The following LAP3 variants were observed in gnomAD, a reference collection of about 807,000 sequenced individuals.
LAP3 encodes the protein cytosol aminopeptidase.
Under a neutral mutation model 58.8 loss-of-function variants are expected in LAP3, and 46 were observed. That is an observed-to-expected ratio of 0.78 (90% confidence interval 0.62 to 1.00). LAP3 has a LOEUF of 1.00. Among genes scored for constraint, LAP3 ranks in the 50% least tolerant of loss-of-function variants. The pLI is 0.00. For missense variants in LAP3, 615 were observed against 659.1 expected (o/e 0.93, Z 0.73); for synonymous variants, 257 against 237.7 (o/e 1.08, Z -0.75).
intron 4 of LAP3, chr4:17,582,813 G>GT (rs149292301): frequency 0.016 from 2,656 of 168,942 alleles, 31 homozygotes; most frequent in Non-Finnish European, 0.023. Context: ...CCAAAGGTGT[G>GT]TGCCTGTCCC....
At chr4:17,593,827 G>T (rs529766960) in intron 7 of LAP3, among the ~76,000 whole-genome samples, 2 of 151,932 alleles carry the variant, frequency 1.3e-5, no homozygotes, top group African/African-American at 4.8e-5. Context: ...TGCCCAAGCT[G>T]GTCTCGAACT....
rs1713227921 is a variant in LAP3, at chr4:17,577,439, G to A, written c.-27G>A. On this transcript the variant is annotated 5_prime_UTR_variant, in exon 1 of 13. Coordinates refer to ENST00000226299, the MANE Select transcript of LAP3 (RefSeq NM_015907.3). ...ACCGCTCTCCACGTGCTCGCTGGAG[G>A]GCGGTGCGAGGGGCCGAGCCGACAA... 1 of 1,516,890 alleles carries A rather than the reference G, an allele frequency of 6.6e-7. No homozygotes were observed. Among genetic ancestry groups the A allele is most frequent in the Non-Finnish European group, 8.9e-7 (1 of 1,126,522 alleles). 94.0% of individuals were successfully genotyped at this position (1,516,890 alleles called of 1,614,324 possible).
At chr4:17,577,838 AG>A (rs1429666074) in intron 1 of LAP3, among the ~76,000 whole-genome samples, 2 of 152,242 alleles carry the variant, frequency 1.3e-5, no homozygotes, top group African/African-American at 4.8e-5. Flanking sequence ...CACTTGCTCC[AG>A]TCGTCACCCG....
intron 7 of LAP3, among the ~76,000 whole-genome samples, chr4:17,591,786 A>G (rs948210591): frequency 6.6e-6 from 1 of 152,176 alleles, no homozygotes; most frequent in Non-Finnish European, 1.5e-5. Flanking sequence ...AAGGGGCAAG[A>G]TACGGCTAGA....
At chr4:17,578,906 G>C (rs75858373) in intron 1 of LAP3, among the ~76,000 whole-genome samples, 1 of 152,118 alleles carries the variant, frequency 6.6e-6, no homozygotes, top group Non-Finnish European at 1.5e-5. Context: ...TGACTGGAAC[G>C]GCATCCTAGA....
chr4:17,588,375 G>A (rs1205094133), intron 6 of LAP3, among the ~76,000 whole-genome samples: 1 of 152,090 alleles, frequency 6.6e-6, no homozygotes, highest in African/African-American at 2.4e-5. Flanking sequence ...AAACTCCTGA[G>A]CTGAAGCAAT....
chr4:17,590,308 C>A (rs1334516433), intron 7 of LAP3, among the ~76,000 whole-genome samples: 1 of 151,986 alleles, frequency 6.6e-6, no homozygotes, highest in Non-Finnish European at 1.5e-5. Flanking sequence ...ATTTTTGTGC[C>A]CTTTCTGGAA....
chr4:17,597,017 T>C, intron 8 of LAP3, 29 bp from the exon 9 acceptor site: 1 of 1,608,896 alleles, frequency 6.2e-7, no homozygotes, highest in East Asian at 2.2e-5. Flanking sequence ...CAGTATATAC[T>C]GTGTGCCTTC....
Position 17,580,165 on chromosome 4 carries a change from C to CATATATATATAT in LAP3, c.218+231_218+242dup, listed in dbSNP as rs372439585. Among the ~76,000 whole-genome samples, 64 of 45,990 alleles carry CATATATATATAT rather than the reference C, an allele frequency of 1.4e-3. 9 individuals are homozygous for CATATATATATAT. In the South Asian group the frequency reaches 0.034, roughly 24 times the overall value. The allele number at this position is 45,990 out of a possible 152,430, so 30.2% of individuals were successfully genotyped here. A position where few individuals can be genotyped will look rare whatever the true frequency, so the allele number is the denominator to read the frequency against. On this transcript the variant is annotated intron_variant, in intron 2 of 12. Coordinates refer to ENST00000226299, the MANE Select transcript of LAP3 (RefSeq NM_015907.3). Reference sequence around the variant, plus strand: ...GGCATGCCTCACCACTCCCGGCTTTCATATATATATATATATGTATTTTTT... The same window carrying CATATATATATAT: ...GGCATGCCTCACCACTCCCGGCTTTCATATATATATATATATATATATATATATGTATTTTTT...
intron 4 of LAP3, among the ~76,000 whole-genome samples, chr4:17,582,843 C>T (rs1277426501): frequency 6.6e-6 from 1 of 152,164 alleles, no homozygotes; most frequent in East Asian, 1.9e-4. Context: ...CAGGCAGGGG[C>T]CATTGAGTCA....
chr4:17,595,200 G>A (rs1009938501), intron 7 of LAP3, among the ~76,000 whole-genome samples: 3 of 150,058 alleles, frequency 2.0e-5, no homozygotes, highest in African/African-American at 7.3e-5. Context: ...CACCACACCC[G>A]GCTAATTTTT....
In LAP3 at chr4:17,588,927, T is replaced by C. The variant is rs1274584120; in HGVS notation, c.813T>C (p.Asn271=). Residue 271 remains asparagine, a synonymous_variant, in exon 7 of 13, where the codon AAT becomes AAC. Coordinates refer to ENST00000226299, the MANE Select transcript of LAP3 (RefSeq NM_015907.3). ...AAATTCACTACAAAGGCAGCCCCAA[T>C]GCAAACGAACCACCCCTGGTGTTTG... is the stretch of plus-strand genomic sequence containing the variant. ...FLEIHYKGSP[N]ANEPPLVFVG... is the part of the protein sequence containing the mutation. The C allele has an allele frequency of 7.4e-6, 12 of 1,614,060 alleles. No individual in the cohort carries two copies. The highest frequency in any genetic ancestry group is 1.0e-5 in the Non-Finnish European group (12 of 1,180,044).
Position 17,582,300 on chromosome 4 carries a change from G to C in LAP3, c.286G>C (p.Val96Leu). Residue 96 changes from valine (V) to leucine (L), a missense_variant, in exon 4 of 13, where the codon GTG (valine) becomes CTG (leucine). By Grantham distance (32) the Val-to-Leu change is conservative (BLOSUM62 1). Transcript: ENST00000226299. The stretch of plus-strand genomic sequence containing the variant: ...ATCTGTGGGACAGGACTTCCCCAGC[G>C]TGGTGCTAGTTGGCCTCGGCAAAAA... ...FYGLHQDFPS[V>L]VLVGLGKKAA... 1 of 1,614,000 alleles carries C rather than the reference G, an allele frequency of 6.2e-7. No homozygotes were observed. Among genetic ancestry groups the C allele is most frequent in the Non-Finnish European group, 8.5e-7 (1 of 1,179,888 alleles).
At chr4:17,595,286 C>T in intron 7 of LAP3, 124 bp from the exon 8 acceptor site, 1 of 1,045,754 alleles carries the variant, frequency 9.6e-7, no homozygotes, top group African/African-American at 1.6e-5. Context: ...GATCCGCCCA[C>T]CTCGGCCTCC....
intron 7 of LAP3, among the ~76,000 whole-genome samples, chr4:17,592,417 G>A (rs891248204): frequency 3.3e-5 from 5 of 152,290 alleles, no homozygotes; most frequent in Non-Finnish European, 2.9e-5. Flanking sequence ...CTATTGTTGA[G>A]TAGTGTTCAA....
intron 6 of LAP3, 125 bp from the exon 7 acceptor site, chr4:17,588,694 C>A: frequency 2.4e-6 from 2 of 830,096 alleles, no homozygotes; most frequent in South Asian, 2.6e-5. Context: ...ATAATTGAAA[C>A]CTTAATGTGC....
chr4:17,607,392 C>G lies in LAP3; in HGVS notation c.1371-8C>G. ...GGGTTGTAAAGTGCTTTTTGTCTTT[C>G]TCTTCAGATCTGCAGGAGCATGTAC... On this transcript the variant is annotated splice_polypyrimidine_tract_variant and splice_region_variant and intron_variant, in intron 12 of 12. Transcript: ENST00000226299. 6.2e-7 allele frequency: 1 copy of G among 1,602,290 alleles called. No homozygotes were observed. The highest frequency in any genetic ancestry group is 8.5e-7 in the Non-Finnish European group (1 of 1,175,894).
intron 7 of LAP3, among the ~76,000 whole-genome samples, chr4:17,591,122 G>A (rs1036705047): frequency 1.3e-5 from 2 of 151,556 alleles, no homozygotes; most frequent in Non-Finnish European, 2.9e-5. Context: ...TGTTGCCCAG[G>A]CTGGAGTGCA....
intron 3 of LAP3, 120 bp from the exon 4 acceptor site, chr4:17,582,168 C>T (rs761411683): frequency 7.4e-6 from 6 of 805,926 alleles, no homozygotes; most frequent in Non-Finnish European, 1.2e-5. Flanking sequence ...GCGTTTAGCC[C>T]TGTTGCTGCA....
Sources: gnomAD v4.1 joint callset for allele counts (sites outside exome capture counted in the v4.1 genomes callset) on GRCh38, gnomAD v4.1.1 for gene constraint, MANE v1.5 for transcripts, NCBI Gene and HGNC (gene_info 2026-07-23, HGNC 2026-07-21) for gene names.